ARHGAP8: variants seen among roughly 807,000 people sequenced by gnomAD.
ARHGAP8 encodes Rho GTPase activating protein 8.
Under a neutral mutation model 46.1 loss-of-function variants are expected in ARHGAP8, and 62 were observed. The observed-to-expected ratio is 1.34, with a 90% confidence interval of 1.10 to 1.66. The LOEUF is 1.66. Among genes scored for constraint, ARHGAP8 ranks in the 40% most tolerant of loss-of-function variants. ARHGAP8 has a pLI of 0.00. For missense variants in ARHGAP8, 923 were observed against 568.4 expected (o/e 1.62, Z -6.34); for synonymous variants, 375 against 243.1 (o/e 1.54, Z -5.05).
chr22:44,860,020 CCTCCTGCCTGTCAGACAGGGCGTACCTG>C (rs1423372026), intron 11 of ARHGAP8, among the ~76,000 whole-genome samples, 186 bp downstream of exon 11: 19 of 37,690 alleles, frequency 5.0e-4, no homozygotes, highest in South Asian at 1.7e-3. Flanking sequence ...CTGCTGCGGA[CCTCCTGCCTGTCAGACAGGGCGTACCTG>C]CCCCTGCCTG....
chr22:44,816,370 T>A (rs1320387966), intron 5 of ARHGAP8, among the ~76,000 whole-genome samples: 1 of 152,118 alleles, frequency 6.6e-6, no homozygotes, highest in Non-Finnish European at 1.5e-5. Flanking sequence ...CAGCTCAGGC[T>A]CTCAGGCACC....
At chr22:44,790,857 C>T (rs1278230663) in intron 2 of ARHGAP8, among the ~76,000 whole-genome samples, 1 of 151,346 alleles carries the variant, frequency 6.6e-6, no homozygotes, top group Non-Finnish European at 1.5e-5. Flanking sequence ...CTCAGCCTCC[C>T]GAGTAGCTGG....
At chr22:44,834,731 AT>A (rs2147139705) in intron 7 of ARHGAP8, among the ~76,000 whole-genome samples, 1 of 152,202 alleles carries the variant, frequency 6.6e-6, no homozygotes, top group East Asian at 1.9e-4. Flanking sequence ...TTTTAAAATT[AT>A]TTATTTCTCC....
Position 44,792,827 on chromosome 22 carries a change from TG to T in ARHGAP8, c.79+6223del, listed in dbSNP as rs769378477. ...GTGGTGGTGGTTTTTTTTGTTTTTTTGGTTTTTTTTTTTTGAGATGAAGTCT... is the reference window on the plus strand; with the variant it reads ...GTGGTGGTGGTTTTTTTTGTTTTTTTGTTTTTTTTTTTTGAGATGAAGTCT... On this transcript the variant is annotated intron_variant, in intron 2 of 11. Coordinates refer to ENST00000356099, the MANE Select transcript of ARHGAP8 (RefSeq NM_181335.3). Among the ~76,000 whole-genome samples, 262 of 117,620 alleles carry T rather than the reference TG, an allele frequency of 2.2e-3. 1 individual carries two copies. In the East Asian group the frequency reaches 0.037, roughly 16 times the overall value. 77.2% of individuals were successfully genotyped at this position (117,620 alleles called of 152,430 possible).
intron 2 of ARHGAP8, among the ~76,000 whole-genome samples, chr22:44,787,444 C>G (rs1475947722): frequency 6.6e-6 from 1 of 152,142 alleles, no homozygotes; most frequent in Non-Finnish European, 1.5e-5. Flanking sequence ...CTCCCGGGTT[C>G]AAGAGATTCT....
intron 2 of ARHGAP8, among the ~76,000 whole-genome samples, chr22:44,787,047 A>AAAAAAAAAAAAC (rs796358176): frequency 4.1e-5 from 6 of 145,558 alleles, no homozygotes; most frequent in Admixed American, 7.1e-5. Flanking sequence ...CAAAAAAAAA[A>AAAAAAAAAAAAC]AAAAGAAAGA....
intron 5 of ARHGAP8, among the ~76,000 whole-genome samples, chr22:44,818,563 A>T (rs956516727): frequency 2.0e-5 from 3 of 152,056 alleles, no homozygotes; most frequent in African/African-American, 7.3e-5. Flanking sequence ...ATTACCCATT[A>T]CCCTCAACAA....
At chr22:44,857,031 C>A (rs1441776267) in intron 10 of ARHGAP8, among the ~76,000 whole-genome samples, 1 of 142,142 alleles carries the variant, frequency 7.0e-6, no homozygotes, top group African/African-American at 2.9e-5. Context: ...ACCTCTGCCT[C>A]CCGGGTTCAA....
At chr22:44,783,013 G>A (rs1001452194) in intron 1 of ARHGAP8, among the ~76,000 whole-genome samples, 4 of 151,982 alleles carry the variant, frequency 2.6e-5, no homozygotes, top group Admixed American at 6.6e-5. Flanking sequence ...GGTTCCCGCA[G>A]TGGGCCTGGG....
rs115858539 is a variant in ARHGAP8, at chr22:44,854,787, G to A, written c.878-4944G>A. ...CCGAGTAGCTGGGATTACAGGCACCGGCCATCTTGCCTGGCTGATTTTTGT... is the reference window on the plus strand; with the variant it reads ...CCGAGTAGCTGGGATTACAGGCACCAGCCATCTTGCCTGGCTGATTTTTGT... On this transcript the variant is annotated intron_variant, in intron 10 of 11. Coordinates refer to ENST00000356099, the MANE Select transcript of ARHGAP8 (RefSeq NM_181335.3). 3.1e-3 allele frequency among the ~76,000 whole-genome samples: 471 copies of A among 151,514 alleles called. 6 individuals are homozygous for A. Among genetic ancestry groups the A allele is most frequent in the African/African-American group, 0.011 (445 of 41,280 alleles).
intron 5 of ARHGAP8, 132 bp downstream of exon 5, chr22:44,814,890 A>G: frequency 9.3e-7 from 1 of 1,071,088 alleles, no homozygotes; most frequent in Non-Finnish European, 1.3e-6. Flanking sequence ...GGGGCTCCCT[A>G]CCCGCCCTGG....
chr22:44,771,738 A>G (rs1926022950), intron 1 of ARHGAP8, among the ~76,000 whole-genome samples: 1 of 149,524 alleles, frequency 6.7e-6, no homozygotes, highest in Non-Finnish European at 1.5e-5. Flanking sequence ...TGTTTTTAGT[A>G]GAGATAGGGT....
At chr22:44,827,336 G>GGTTTTTTTTTTT (rs1223857467) in intron 7 of ARHGAP8, among the ~76,000 whole-genome samples, 1 of 67,266 alleles carries the variant, frequency 1.5e-5, no homozygotes, top group African/African-American at 5.9e-5. Context: ...TTGGGTGGTG[G>GGTTTTTTTTTTT]TTTTTTTTTT....
intron 7 of ARHGAP8, among the ~76,000 whole-genome samples, chr22:44,839,623 A>G (rs768001566): frequency 1.3e-5 from 2 of 152,170 alleles, no homozygotes; most frequent in Non-Finnish European, 2.9e-5. Context: ...TGAGCTGGTC[A>G]CCTGGCCTCT....
chr22:44,778,930 T>C (rs1926617300), intron 1 of ARHGAP8, among the ~76,000 whole-genome samples: 1 of 119,000 alleles, frequency 8.4e-6, no homozygotes, highest in Non-Finnish European at 1.7e-5. Context: ...AAAACAAACA[T>C]GTTAATGATT....
intron 10 of ARHGAP8, among the ~76,000 whole-genome samples, chr22:44,859,433 C>T (rs1482688877): frequency 6.6e-6 from 1 of 151,546 alleles, no homozygotes; most frequent in Non-Finnish European, 1.5e-5. Context: ...TTGGAAGCCT[C>T]CTGAGGCTTC....
In ARHGAP8 at chr22:44,780,604, T is replaced by C. The variant is rs189575954; in HGVS notation, c.-71-5853T>C. Among the ~76,000 whole-genome samples the C allele has an allele frequency of 5.0e-4, 71 of 142,490 alleles. 1 individual carries two copies. The highest frequency in any genetic ancestry group is 1.7e-3 in the African/African-American group (66 of 37,882). The allele number at this position is 142,490 out of a possible 152,430, so 93.5% of individuals were successfully genotyped here. On this transcript the variant is annotated intron_variant, in intron 1 of 11. Coordinates refer to ENST00000356099, the MANE Select transcript of ARHGAP8 (RefSeq NM_181335.3). ...CTGAACCAGGGAGGCGGAGGTTGCA[T>C]TGAGCCGAGATCGCACCACTGCACT...
At position 44,859,110 on chromosome 22, in the gene ARHGAP8, G is replaced by A. The variant is rs1016297578; in HGVS notation, c.878-621G>A. On this transcript the variant is annotated intron_variant, in intron 10 of 11. Coordinates refer to ENST00000356099, the MANE Select transcript of ARHGAP8 (RefSeq NM_181335.3). ...ACCACTCCCATTTATAAAGTGATTC[G>A]GCTTTAGCAGCTTCCTGGAAGGTGG... Among the ~76,000 whole-genome samples, 12 of 152,188 alleles carry A rather than the reference G, an allele frequency of 7.9e-5. No individual in the cohort carries two copies. The East Asian group carries it at 1.4e-3, about 17-fold the overall frequency.
At chr22:44,800,549 CAT>C (rs1392225363) in intron 2 of ARHGAP8, among the ~76,000 whole-genome samples, 1 of 147,928 alleles carries the variant, frequency 6.8e-6, no homozygotes, top group African/African-American at 2.5e-5. Flanking sequence ...CGCAGCTGTC[CAT>C]GTGTGGGGGG....
Sources: allele counts gnomAD v4.1 joint callset (sites outside exome capture counted in the v4.1 genomes callset), GRCh38; gene constraint gnomAD v4.1.1; transcripts MANE v1.5; gene names NCBI Gene and HGNC (gene_info 2026-07-23, HGNC 2026-07-21).